Variants in LGALS4 observed in about 807,000 individuals in gnomAD.
LGALS4 encodes the protein galectin-4.
LGALS4 carries 37 observed loss-of-function variants against 39.6 expected under a neutral mutation model. The ratio of observed to expected loss-of-function variants is 0.93; its 90% CI spans 0.72 to 1.23. LGALS4 has a LOEUF of 1.23. Among genes scored for constraint, LGALS4 ranks in the 50% most tolerant of loss-of-function variants. The pLI is 0.00. For synonymous variants in LGALS4, 160 were observed against 165.5 expected (o/e 0.97, Z 0.25); for missense variants, 397 against 433.2 (o/e 0.92, Z 0.74).
In LGALS4 at chr19:38,803,888, G is replaced by A. The variant is rs767409129; in HGVS notation, c.482C>T (p.Pro161Leu). 7.5e-6 allele frequency: 12 copies of A among 1,609,228 alleles called. No individual in the cohort carries two copies. The highest frequency in any genetic ancestry group is 2.7e-5 in the African/African-American group (2 of 74,818). The change falls in exon 5 of 10, where the codon CCG (proline) becomes CTG (leucine). Residue 161 changes from proline (P) to leucine (L), a missense_variant. Coordinates refer to ENST00000307751, the MANE Select transcript of LGALS4 (RefSeq NM_006149.4). ...GGQPLRPQGP[P>L]MMPPYPGPGH... is the part of the protein sequence containing the mutation. ...ACTTACAGGGTAAGGTGGCATCATC[G>A]GGGGTCCCTGTGGGCACAGAAAGAG...
At position 38,801,785 on chromosome 19, in the gene LGALS4, G is replaced by T; in HGVS notation, c.951C>A (p.Thr317=). The T allele has an allele frequency of 6.2e-7, 1 of 1,614,196 alleles. No individual in the cohort carries two copies. The highest frequency in any genetic ancestry group is 8.5e-7 in the Non-Finnish European group (1 of 1,180,028). ...TAGATTAGATCTGGACATAGGACAAGGTGACATCACCCTGGATTTCCAATG... is the reference window on the plus strand; with the variant it reads ...TAGATTAGATCTGGACATAGGACAATGTGACATCACCCTGGATTTCCAATG... ...VDTLEIQGDV[T]LSYVQI is the part of the protein sequence containing the mutation. The change falls in exon 10 of 10, where the codon ACC becomes ACA. Residue 317 remains threonine (T), a synonymous_variant. Coordinates refer to ENST00000307751, the MANE Select transcript of LGALS4 (RefSeq NM_006149.4).
At position 38,812,770 on chromosome 19, in the gene LGALS4, G is replaced by C. The variant is rs1040595065; in HGVS notation, c.45+72C>G. On this transcript the variant is annotated intron_variant, in intron 1 of 9. Transcript: ENST00000307751. ...AGTCAGATGGGGCCCCCCAGGATCA[G>C]AGTGGGGAAAATTGGTGTGAGGGCT... is the stretch of plus-strand genomic sequence containing the variant. The C allele has an allele frequency of 3.7e-5, 57 of 1,527,574 alleles. No homozygotes were observed. In the Admixed American group the frequency reaches 8.7e-4, roughly 23 times the overall value. 94.6% of individuals were successfully genotyped at this position (1,527,574 alleles called of 1,614,324 possible). A position where few individuals can be genotyped will look rare whatever the true frequency, so the allele number is the denominator to read the frequency against.
intron 4 of LGALS4, among the ~76,000 whole-genome samples, chr19:38,805,020 T>TG (rs940635579): frequency 1.3e-5 from 2 of 151,124 alleles, no homozygotes; most frequent in African/African-American, 4.9e-5. Context: ...AAAAACTAGC[T>TG]GGGGCTGGTG....
At chr19:38,811,992 G>A (rs139532373) in intron 2 of LGALS4, among the ~76,000 whole-genome samples, 2,582 of 149,194 alleles carry the variant, frequency 0.017, 71 homozygotes, top group African/African-American at 0.06. Flanking sequence ...CAGCCTGGGC[G>A]ACAAGAGCAA....
At chr19:38,810,125 A>T (rs1393258701) in intron 2 of LGALS4, among the ~76,000 whole-genome samples, 2 of 151,952 alleles carry the variant, frequency 1.3e-5, no homozygotes, top group Non-Finnish European at 2.9e-5. Flanking sequence ...TTCTTTGCTG[A>T]TATGTTCCCT....
At chr19:38,812,286 A>T (rs915814654) in intron 2 of LGALS4, 145 bp downstream of exon 2, 2 of 665,934 alleles carry the variant, frequency 3.0e-6, no homozygotes, top group Non-Finnish European at 5.1e-6. Context: ...TCTGCCCCAG[A>T]TTCATCTCTG....
intron 5 of LGALS4, 34 bp downstream of exon 5, chr19:38,803,835 G>A (rs1971391247): frequency 6.2e-7 from 1 of 1,613,008 alleles, no homozygotes; most frequent in Non-Finnish European, 8.5e-7. Context: ...ACCCCACTAG[G>A]GAGGAAGACC....
intron 2 of LGALS4, 54 bp downstream of exon 2, chr19:38,812,377 A>G (rs934390740): frequency 2.7e-6 from 4 of 1,508,784 alleles, no homozygotes; most frequent in African/African-American, 1.4e-5. Flanking sequence ...CCAGGCCCAG[A>G]GCACCCAGTT....
intron 4 of LGALS4, 74 bp downstream of exon 4, chr19:38,806,386 GA>G (rs1459683942): frequency 5.3e-6 from 8 of 1,505,580 alleles, no homozygotes; most frequent in South Asian, 2.5e-5. Flanking sequence ...AAGAAAAAAA[GA>G]AAAAAAGAAA....
At chr19:38,812,741 A>G in intron 1 of LGALS4, 101 bp downstream of exon 1, 1 of 1,307,340 alleles carries the variant, frequency 7.6e-7, no homozygotes, top group Non-Finnish European at 1.1e-6. Context: ...AAATCAGACC[A>G]CAGAGTCAGA....
chr19:38,812,251 C>G lies in LGALS4; in HGVS notation c.134+180G>C, dbSNP rs149692453. 3.4e-3 allele frequency among the ~76,000 whole-genome samples: 520 copies of G among 152,324 alleles called. 4 individuals carry two copies. Among genetic ancestry groups the G allele is most frequent in the African/African-American group, 0.012 (514 of 41,576 alleles). On this transcript the variant is annotated intron_variant, in intron 2 of 9. Coordinates refer to ENST00000307751, the MANE Select transcript of LGALS4 (RefSeq NM_006149.4). ...TCACGGTGAGCCCTCCCTGAACCTT[C>G]TGGCCCCCACGTCCCCACTCCTGAT... is the stretch of plus-strand genomic sequence containing the variant.
intron 2 of LGALS4, among the ~76,000 whole-genome samples, chr19:38,811,935 C>A (rs1203477754): frequency 6.6e-6 from 1 of 151,886 alleles, no homozygotes; most frequent in Non-Finnish European, 1.5e-5. Flanking sequence ...ATCGCTTGAA[C>A]CTGGGAGACA....
Position 38,803,724 on chromosome 19 carries a change from C to T in LGALS4, c.540+18G>A. ...ATTCCCACTCCTCACCCGGGGCCCT[C>T]CCAGCCCTCCCACTCACGGGCAGGC... On this transcript the variant is annotated intron_variant, in intron 6 of 9. Coordinates refer to ENST00000307751, the MANE Select transcript of LGALS4 (RefSeq NM_006149.4). 1 of 1,612,100 alleles carries T rather than the reference C, an allele frequency of 6.2e-7. No homozygotes were observed. The highest frequency in any genetic ancestry group is 8.5e-7 in the Non-Finnish European group (1 of 1,179,148).
chr19:38,806,942 G>A (rs1971428989), intron 3 of LGALS4, among the ~76,000 whole-genome samples: 1 of 125,374 alleles, frequency 8.0e-6, no homozygotes, highest in Admixed American at 7.9e-5. Flanking sequence ...GCAAGACTCT[G>A]TCTCAAAAAA....
intron 4 of LGALS4, among the ~76,000 whole-genome samples, chr19:38,804,825 A>C (rs902489061): frequency 6.6e-6 from 1 of 151,948 alleles, no homozygotes; most frequent in African/African-American, 2.4e-5. Context: ...TCCATCTAAA[A>C]AAAAAACAAA....
chr19:38,802,913 A>C, intron 7 of LGALS4: 1 of 160,024 alleles, frequency 6.2e-6, no homozygotes, highest in Non-Finnish European at 1.4e-5. Flanking sequence ...CTTGACCTCA[A>C]GTGATCCACC....
At chr19:38,807,553 G>C (rs918323968) in intron 3 of LGALS4, among the ~76,000 whole-genome samples, 11 of 151,714 alleles carry the variant, frequency 7.3e-5, no homozygotes, top group African/African-American at 9.7e-5. Flanking sequence ...GCCTCTGCCC[G>C]GCCGCCCCGT....
chr19:38,809,568 A>G (rs1971468590), intron 2 of LGALS4, among the ~76,000 whole-genome samples: 1 of 136,808 alleles, frequency 7.3e-6, no homozygotes, highest in Admixed American at 7.4e-5. Context: ...TGCAGCCTCA[A>G]CCTCCTGGGT....
Position 38,803,498 on chromosome 19 carries a change from CATCT to C in LGALS4, c.570+20_570+23del. ...AGATCCGTGCCCCCTCCCCACCATC[CATCT>C]CTGTTTCCCCAAGCCATACCGGGTT... On this transcript the variant is annotated intron_variant, in intron 7 of 9. Transcript: ENST00000307751. 12 of 1,612,896 alleles carry C rather than the reference CATCT, an allele frequency of 7.4e-6. No homozygotes were observed. Among genetic ancestry groups the C allele is most frequent in the Non-Finnish European group, 9.3e-6 (11 of 1,178,906 alleles).
Sources: gnomAD v4.1 joint callset for allele counts (sites outside exome capture counted in the v4.1 genomes callset) on GRCh38, gnomAD v4.1.1 for gene constraint, MANE v1.5 for transcripts, NCBI Gene and HGNC (gene_info 2026-07-23, HGNC 2026-07-21) for gene names.